MACROD2: variants seen among roughly 807,000 people sequenced by gnomAD.
MACROD2 encodes ADP-ribose glycohydrolase MACROD2.
Under a neutral mutation model 70.4 loss-of-function variants are expected in MACROD2, and 36 were observed. That is an observed-to-expected ratio of 0.51 (90% CI 0.39 to 0.68). The LOEUF is 0.68. Ranked by LOEUF, MACROD2 falls within the 30% of genes least tolerant of loss-of-function variation. The pLI is 0.00. For missense variants in MACROD2, 496 were observed against 538.4 expected, an observed-to-expected ratio of 0.92 and a Z score of 0.78; for synonymous variants, 172 against 178.8, an observed-to-expected ratio of 0.96 and a Z score of 0.30.
At chr20:14,161,016 A>G (rs1477578104) in intron 3 of MACROD2, among the ~76,000 whole-genome samples, 1 of 151,636 alleles carries the variant, frequency 6.6e-6, no homozygotes, top group Non-Finnish European at 1.5e-5. Flanking sequence ...TGGAGTCCCC[A>G]CTGTCTATTA....
intron 8 of MACROD2, among the ~76,000 whole-genome samples, chr20:15,508,357 A>G (rs2047454964): frequency 1.3e-5 from 2 of 152,084 alleles, no homozygotes; most frequent in African/African-American, 4.8e-5. Flanking sequence ...TAATTCATAT[A>G]TACTGCTAAT....
At chr20:14,990,966 A>G (rs567811291) in intron 5 of MACROD2, among the ~76,000 whole-genome samples, 12 of 152,202 alleles carry the variant, frequency 7.9e-5, no homozygotes, top group Non-Finnish European at 1.6e-4. Flanking sequence ...CCAGGAAGAT[A>G]AAGATCAAGA....
At chr20:15,331,431 C>A (rs568748762) in intron 6 of MACROD2, among the ~76,000 whole-genome samples, 1 of 151,528 alleles carries the variant, frequency 6.6e-6, no homozygotes, top group South Asian at 2.1e-4. Flanking sequence ...ATTTATAATG[C>A]ACATCAATTT....
chr20:16,012,459 C>T (rs1458526322), intron 15 of MACROD2, among the ~76,000 whole-genome samples: 1 of 152,180 alleles, frequency 6.6e-6, no homozygotes, highest in Non-Finnish European at 1.5e-5. Context: ...AAGCAGTCAT[C>T]AGCATTTTAA....
At chr20:15,910,974 A>C (rs1189997185) in intron 10 of MACROD2, among the ~76,000 whole-genome samples, 1 of 152,074 alleles carries the variant, frequency 6.6e-6, no homozygotes, top group Non-Finnish European at 1.5e-5. Flanking sequence ...TCATATTCTC[A>C]CCTCTCTGGG....
At chr20:15,207,567 C>T (rs1032452532) in intron 5 of MACROD2, among the ~76,000 whole-genome samples, 1 of 151,238 alleles carries the variant, frequency 6.6e-6, no homozygotes, top group African/African-American at 2.4e-5. Context: ...CTCAGCCTCC[C>T]GAGTAGCTGG....
At chr20:15,694,228 C>G (rs1600769129) in intron 8 of MACROD2, among the ~76,000 whole-genome samples, 1 of 152,088 alleles carries the variant, frequency 6.6e-6, no homozygotes, top group South Asian at 2.1e-4. Flanking sequence ...TGGGTAGATA[C>G]CCAGCAGTGG....
intron 7 of MACROD2, among the ~76,000 whole-genome samples, chr20:15,484,213 C>T (rs1251494940): frequency 6.6e-6 from 1 of 151,624 alleles, no homozygotes; most frequent in Non-Finnish European, 1.5e-5. Context: ...TTGCTTTTTT[C>T]TTTTAGTAAG....
intron 5 of MACROD2, 178 bp downstream of exon 5, chr20:14,685,137 T>C: frequency 2.6e-6 from 1 of 390,420 alleles, no homozygotes; most frequent in Non-Finnish European, 4.6e-6. Flanking sequence ...TATATACATA[T>C]ATATAAAATA....
At chr20:15,136,134 G>C (rs1232660167) in intron 5 of MACROD2, among the ~76,000 whole-genome samples, 1 of 150,822 alleles carries the variant, frequency 6.6e-6, no homozygotes, top group African/African-American at 2.4e-5. Flanking sequence ...TGGCCATACT[G>C]CCCAAGGTAA....
intron 5 of MACROD2, among the ~76,000 whole-genome samples, chr20:14,802,767 CAT>C (rs1006984472): frequency 2.1e-3 from 123 of 57,278 alleles, no homozygotes; most frequent in African/African-American, 4.7e-3. Flanking sequence ...CAAGCACACA[CAT>C]ACACACATAC....
At chr20:14,355,272 C>T (rs2083161722) in intron 3 of MACROD2, among the ~76,000 whole-genome samples, 2 of 152,140 alleles carry the variant, frequency 1.3e-5, no homozygotes, top group Non-Finnish European at 2.9e-5. Context: ...CACTTGTAAC[C>T]TATCAAATTA....
At position 13,995,834 on chromosome 20, in the gene MACROD2, G is replaced by T. The variant is rs771619108; in HGVS notation, c.46+25G>T. 4.5e-6 allele frequency: 7 copies of T among 1,555,766 alleles called. No homozygotes were observed. In the African/African-American group the frequency reaches 8.1e-5, roughly 18 times the overall value. On this transcript the variant is annotated intron_variant, in intron 1 of 17. Coordinates refer to ENST00000684519, the MANE Select transcript of MACROD2 (RefSeq NM_001351661.2). This position sits in a 1 kb window ranked among gnomAD's most constrained non-coding sequence, Gnocchi z 4.3. The stretch of plus-strand genomic sequence containing the variant: ...GGTAACCGGCCCGTCGAGTCCTGGG[G>T]GTGCGGGCGGTGGGGGTTAGGGTGG...
rs112888070 is a variant in MACROD2 at position 15,143,930 on chromosome 20, C to A, written c.419-86010C>A. Among the ~76,000 whole-genome samples, 1,141 of 132,948 alleles carry A rather than the reference C, an allele frequency of 8.6e-3. 19 individuals are homozygous for A. The highest frequency in any genetic ancestry group is 0.031 in the African/African-American group (1,086 of 34,688). The allele number at this position is 132,948 out of a possible 152,430, so 87.2% of individuals were successfully genotyped here. A position where few individuals can be genotyped will look rare whatever the true frequency, so the allele number is the denominator to read the frequency against. The stretch of plus-strand genomic sequence containing the variant: ...CACACATAAAATACCCTAACACTAA[C>A]GATCGCTGATGAGCTAAAAAAAAAA... On this transcript the variant is annotated intron_variant, in intron 5 of 17. Transcript: ENST00000684519.
chr20:15,611,955 A>G lies in MACROD2; in HGVS notation c.645+112108A>G, dbSNP rs557599126. Among the ~76,000 whole-genome samples, 19 of 149,492 alleles carry G rather than the reference A, an allele frequency of 1.3e-4. No homozygotes were observed. The South Asian group carries it at 2.6e-3, about 21-fold the overall frequency. On this transcript the variant is annotated intron_variant, in intron 8 of 17. Transcript: ENST00000684519. The stretch of plus-strand genomic sequence containing the variant: ...ATGCAGGTCAGGGCTTTTTTCTTGT[A>G]TTTATTCCCTAGTTCTCCATCCTCC...
chr20:15,531,444 C>A (rs1373637306), intron 8 of MACROD2, among the ~76,000 whole-genome samples: 1 of 151,848 alleles, frequency 6.6e-6, no homozygotes, highest in Non-Finnish European at 1.5e-5. Flanking sequence ...GAACAGTAAA[C>A]ACCTGTGTCA....
chr20:14,177,930 A>T (rs2081275963), intron 3 of MACROD2, among the ~76,000 whole-genome samples: 1 of 152,200 alleles, frequency 6.6e-6, no homozygotes, highest in African/African-American at 2.4e-5. Flanking sequence ...TTTTTCTTTA[A>T]ATTTTGTATA....
At chr20:14,435,682 A>G (rs901987797) in intron 3 of MACROD2, among the ~76,000 whole-genome samples, 1 of 151,546 alleles carries the variant, frequency 6.6e-6, no homozygotes, top group Non-Finnish European at 1.5e-5. Flanking sequence ...CTTAAAGTAC[A>G]TTAGTACATT....
intron 10 of MACROD2, among the ~76,000 whole-genome samples, chr20:15,907,364 G>T (rs1427889328): frequency 6.6e-6 from 1 of 152,184 alleles, no homozygotes; most frequent in Non-Finnish European, 1.5e-5. Flanking sequence ...TTCCATTATA[G>T]CTGTGGCCAA....
Sources: allele counts gnomAD v4.1 joint callset (sites outside exome capture counted in the v4.1 genomes callset), GRCh38; gene constraint gnomAD v4.1.1; non-coding constraint Gnocchi (gnomAD v3.1); transcripts MANE v1.5; gene names NCBI Gene and HGNC (gene_info 2026-07-23, HGNC 2026-07-21).